The following KCNQ1 variants were observed in gnomAD, a reference collection of about 807,000 sequenced individuals.
KCNQ1 encodes potassium voltage-gated channel subfamily Q member 1, also known as potassium voltage-gated channel subfamily KQT member 1.
Under a neutral mutation model 72.4 loss-of-function variants are expected in KCNQ1, and 49 were observed. The ratio of observed to expected loss-of-function variants is 0.68; its 90% CI spans 0.54 to 0.86. The LOEUF (loss-of-function observed/expected upper bound fraction) is 0.86. Ranked by LOEUF, KCNQ1 falls within the 40% of genes least tolerant of loss-of-function variation. The probability of loss-of-function intolerance (pLI) is 0.00; values close to 1 mark genes in which losing one functional copy is unlikely to be tolerated. For synonymous variants in KCNQ1, 450 were observed against 412.6 expected, an observed-to-expected ratio of 1.09 and a Z score of -1.10; for missense variants, 790 against 945.1, an observed-to-expected ratio of 0.84 and a Z score of 2.15.
In KCNQ1 at chr11:2,759,731, G is replaced by A. The variant is rs1214726133; in HGVS notation, c.1515-9113G>A. On this transcript the variant is annotated intron_variant, in intron 11 of 15. Coordinates refer to ENST00000155840, the MANE Select transcript of KCNQ1 (RefSeq NM_000218.3). The surrounding 1 kb of genome is among the most constrained non-coding windows in gnomAD (Gnocchi z 4.4). ...CAGGCAGGGTGGATACAAGGGGCTT[G>A]CATCTGACTTAACTGTCTGGCTGGG... is the stretch of plus-strand genomic sequence containing the variant. Among the ~76,000 whole-genome samples, 1 of 152,212 alleles carries A rather than the reference G, an allele frequency of 6.6e-6. No individual in the cohort carries two copies. The highest frequency in any genetic ancestry group is 1.9e-4 in the East Asian group (1 of 5,196).
chr11:2,478,872 CAAGT>C lies in KCNQ1; in HGVS notation c.386+33389_386+33392del, dbSNP rs1479692848. Reference sequence around the variant, plus strand: ...ACCTATGAGCCTGTAAAATCAAAAGCAAGTTAGTTAATTCCTAGACACAATTAGG... The same window carrying C: ...ACCTATGAGCCTGTAAAATCAAAAGCTAGTTAATTCCTAGACACAATTAGG... On this transcript the variant is annotated intron_variant, in intron 1 of 15. Transcript: ENST00000155840. This position sits in a 1 kb window ranked among gnomAD's most constrained non-coding sequence, Gnocchi z 4.0. Among the ~76,000 whole-genome samples the C allele has an allele frequency of 6.6e-6, 1 of 152,210 alleles. No homozygotes were observed. The highest frequency in any genetic ancestry group is 1.5e-5 in the Non-Finnish European group (1 of 68,040).
rs1320617217 is a variant in KCNQ1, at chr11:2,659,116, T to A, written c.1394-2845T>A. Reference sequence around the variant, plus strand: ...TCCTCCAACATCCGGGTTAATTTTTTAAATTTGCATACAGTAAAATCCACT... The same window carrying A: ...TCCTCCAACATCCGGGTTAATTTTTAAAATTTGCATACAGTAAAATCCACT... On this transcript the variant is annotated intron_variant, in intron 10 of 15. Coordinates refer to ENST00000155840, the MANE Select transcript of KCNQ1 (RefSeq NM_000218.3). This position sits in a 1 kb window ranked among gnomAD's most constrained non-coding sequence, Gnocchi z 4.3. 1.0e-5 allele frequency: 4 copies of A among 398,516 alleles called. No individual in the cohort carries two copies. The highest frequency in any genetic ancestry group is 2.1e-5 in the African/African-American group (1 of 48,650). 24.7% of individuals were successfully genotyped at this position (398,516 alleles called of 1,614,324 possible).
intron 11 of KCNQ1, among the ~76,000 whole-genome samples, chr11:2,728,081 C>T (rs527960170): frequency 4.6e-5 from 7 of 152,344 alleles, no homozygotes; most frequent in South Asian, 2.1e-4. Flanking sequence ...GCCTTCTCCT[C>T]GTCCTTCAGC....
chr11:2,768,827 T>C lies in KCNQ1; in HGVS notation c.1515-17T>C. The C allele has an allele frequency of 6.2e-7, 1 of 1,611,410 alleles. No individual in the cohort carries two copies. Among genetic ancestry groups the C allele is most frequent in the African/African-American group, 1.3e-5 (1 of 74,912 alleles). On this transcript the variant is annotated splice_polypyrimidine_tract_variant and intron_variant, in intron 11 of 15. Coordinates refer to ENST00000155840, the MANE Select transcript of KCNQ1 (RefSeq NM_000218.3). This position sits in a 1 kb window ranked among gnomAD's most constrained non-coding sequence, Gnocchi z 6.7. Reference sequence around the variant, plus strand: ...CAGGGTGGCCACTCACAATCTCCTCTCCTCTCTCCACTGCAGGCTGCGGGA... The same window carrying C: ...CAGGGTGGCCACTCACAATCTCCTCCCCTCTCTCCACTGCAGGCTGCGGGA...
intron 15 of KCNQ1, among the ~76,000 whole-genome samples, chr11:2,837,395 C>A (rs1202064820): frequency 1.3e-5 from 2 of 152,130 alleles, no homozygotes; most frequent in Non-Finnish European, 2.9e-5. Flanking sequence ...CCGCTCCGCG[C>A]TCACAGCCTC....
In KCNQ1 at chr11:2,583,216, G is replaced by C. The variant is rs532281646; in HGVS notation, c.922-219G>C. On this transcript the variant is annotated intron_variant, in intron 6 of 15. Coordinates refer to ENST00000155840, the MANE Select transcript of KCNQ1 (RefSeq NM_000218.3). ...GGGTGCTGGGCTCCTTACATGTGCT[G>C]GTGGGACATACCTTGTGTGTGACGC... is the stretch of plus-strand genomic sequence containing the variant. 2.0e-5 allele frequency among the ~76,000 whole-genome samples: 3 copies of C among 152,300 alleles called. No individual in the cohort carries two copies. In the South Asian group the frequency reaches 6.2e-4, roughly 32 times the overall value.
chr11:2,612,515 C>T lies in KCNQ1; in HGVS notation c.1393+23661C>T. On this transcript the variant is annotated intron_variant, in intron 10 of 15. Coordinates refer to ENST00000155840, the MANE Select transcript of KCNQ1 (RefSeq NM_000218.3). This position sits in a 1 kb window ranked among gnomAD's most constrained non-coding sequence, Gnocchi z 5.5. ...TCATTGATTCTTTCTTCTGCCAGGT[C>T]AAATTTGCTTAGCCGCACTAGTGAG... 1 of 398,564 alleles carries T rather than the reference C, an allele frequency of 2.5e-6. No homozygotes were observed. The highest frequency in any genetic ancestry group is 3.6e-5 in the East Asian group (1 of 28,074). The allele number at this position is 398,564 out of a possible 1,614,324, so 24.7% of individuals were successfully genotyped here.
intron 13 of KCNQ1, 32 bp from the exon 14 acceptor site, chr11:2,776,954 G>A (rs1846715209): frequency 2.5e-6 from 4 of 1,610,596 alleles, no homozygotes; most frequent in East Asian, 4.5e-5. Context: ...CCAGGGCCAG[G>A]TGTGAACTGG....
At position 2,669,716 on chromosome 11, in the gene KCNQ1, G is replaced by T; in HGVS notation, c.1514+7635G>T. ...GTGTTAGGCATCCAGCCACATACCT[G>T]ACTCGGGGAAATGCCTGAAAATATT... On this transcript the variant is annotated intron_variant, in intron 11 of 15. Transcript: ENST00000155840. This position sits in a 1 kb window ranked among gnomAD's most constrained non-coding sequence, Gnocchi z 5.6. 2.5e-6 allele frequency: 1 copy of T among 398,654 alleles called. No homozygotes were observed. Among genetic ancestry groups the T allele is most frequent in the South Asian group, 1.3e-4 (1 of 7,846 alleles). 24.7% of individuals were successfully genotyped at this position (398,654 alleles called of 1,614,324 possible). A position where few individuals can be genotyped will look rare whatever the true frequency, so the allele number is the denominator to read the frequency against.
chr11:2,790,364 C>G (rs185227130), intron 15 of KCNQ1, among the ~76,000 whole-genome samples: 1 of 152,296 alleles, frequency 6.6e-6, no homozygotes, highest in East Asian at 1.9e-4. Context: ...CTGAGACAGC[C>G]GGGCCAAGCC....
rs1848988720 is a variant in KCNQ1, at chr11:2,612,228, A to G, written c.1393+23374A>G. On this transcript the variant is annotated intron_variant, in intron 10 of 15. Coordinates refer to ENST00000155840, the MANE Select transcript of KCNQ1 (RefSeq NM_000218.3). The surrounding 1 kb of genome is among the most constrained non-coding windows in gnomAD (Gnocchi z 5.5). Reference sequence around the variant, plus strand: ...AGCTCTGCCTCCTGTCTGATCAGTGATGGCATTAGATTCTCACAGAGAGCA... The same window carrying G: ...AGCTCTGCCTCCTGTCTGATCAGTGGTGGCATTAGATTCTCACAGAGAGCA... 2.5e-6 allele frequency: 1 copy of G among 398,638 alleles called. No individual in the cohort carries two copies. The highest frequency in any genetic ancestry group is 4.4e-6 in the Non-Finnish European group (1 of 226,074). The allele number at this position is 398,638 out of a possible 1,614,324, so 24.7% of individuals were successfully genotyped here.
rs1174075291 is a variant in KCNQ1, at chr11:2,723,980, G to T, written c.1515-44864G>T. Among the ~76,000 whole-genome samples, 1 of 152,118 alleles carries T rather than the reference G, an allele frequency of 6.6e-6. No homozygotes were observed. Among genetic ancestry groups the T allele is most frequent in the African/African-American group, 2.4e-5 (1 of 41,412 alleles). The stretch of plus-strand genomic sequence containing the variant: ...GGAGGCATTTACTCTTTTCACCGGG[G>T]GAGCAGAAATCAGAACATGGCTCTC... On this transcript the variant is annotated intron_variant, in intron 11 of 15. Coordinates refer to ENST00000155840, the MANE Select transcript of KCNQ1 (RefSeq NM_000218.3). The surrounding 1 kb of genome is among the most constrained non-coding windows in gnomAD (Gnocchi z 4.2).
At chr11:2,744,560 C>T (rs959286813) in intron 11 of KCNQ1, among the ~76,000 whole-genome samples, 7 of 152,164 alleles carry the variant, frequency 4.6e-5, no homozygotes, top group African/African-American at 1.4e-4. Context: ...GCCAGTGTTT[C>T]CTGGGCCCCA....
chr11:2,842,389 G>A (rs1334566464), intron 15 of KCNQ1, among the ~76,000 whole-genome samples: 1 of 152,216 alleles, frequency 6.6e-6, no homozygotes, highest in Non-Finnish European at 1.5e-5. Context: ...AAGCACCCAA[G>A]CCATGGGAGT....
intron 11 of KCNQ1, chr11:2,688,769 T>C: frequency 2.5e-6 from 1 of 398,856 alleles, no homozygotes; most frequent in Non-Finnish European, 4.4e-6. Context: ...TTTCCACCTA[T>C]ACCACACCTA....
chr11:2,791,795 G>GCGCCA (rs1288254996), intron 15 of KCNQ1, among the ~76,000 whole-genome samples: 74 of 152,206 alleles, frequency 4.9e-4, no homozygotes, highest in Middle Eastern at 3.4e-3. Flanking sequence ...TCGCCGCGCC[G>GCGCCA]CTCCGGGCGG....
intron 10 of KCNQ1, chr11:2,660,711 C>T (rs752189710): frequency 2.3e-5 from 9 of 398,502 alleles, no homozygotes; most frequent in Non-Finnish European, 4.0e-5. Context: ...AACCTTCATT[C>T]GGGCTTCATT....
At chr11:2,761,528 C>G (rs537775877) in intron 11 of KCNQ1, among the ~76,000 whole-genome samples, 1 of 152,154 alleles carries the variant, frequency 6.6e-6, no homozygotes, top group African/African-American at 2.4e-5. Context: ...GCACATAGGC[C>G]GTAGGGTGGA....
At position 2,828,923 on chromosome 11, in the gene KCNQ1, C is replaced by G. The variant is rs1259477853; in HGVS notation, c.1795-18844C>G. ...GAGAATAGAAAATCAAAACGGTATCCAATTTCTTAACAGCAATTCAGAAAG... is the reference window on the plus strand; with the variant it reads ...GAGAATAGAAAATCAAAACGGTATCGAATTTCTTAACAGCAATTCAGAAAG... On this transcript the variant is annotated intron_variant, in intron 15 of 15. Transcript: ENST00000155840. The surrounding 1 kb of genome is among the most constrained non-coding windows in gnomAD (Gnocchi z 5.3). Among the ~76,000 whole-genome samples the G allele has an allele frequency of 6.6e-6, 1 of 152,184 alleles. No individual in the cohort carries two copies. Among genetic ancestry groups the G allele is most frequent in the Non-Finnish European group, 1.5e-5 (1 of 68,038 alleles).
Sources: allele counts gnomAD v4.1 joint callset (sites outside exome capture counted in the v4.1 genomes callset), GRCh38; gene constraint gnomAD v4.1.1; non-coding constraint Gnocchi (gnomAD v3.1); transcripts MANE v1.5; gene names NCBI Gene and HGNC (gene_info 2026-07-23, HGNC 2026-07-21).